The following LINGO2 variants were observed in gnomAD, a reference collection of about 807,000 sequenced individuals.
The protein encoded by LINGO2 is leucine-rich repeat and immunoglobulin-like domain-containing nogo receptor-interacting protein 2.
In LINGO2, 14 loss-of-function variants were observed where a neutral mutation model predicts 30.6. The observed-to-expected ratio is 0.46, with a 90% CI of 0.30 to 0.72. The LOEUF (loss-of-function observed/expected upper bound fraction) is 0.72. Among genes scored for constraint, LINGO2 ranks in the 30% least tolerant of loss-of-function variants. The pLI, the probability that LINGO2 is intolerant of heterozygous loss-of-function variation, is 0.07. For synonymous variants in LINGO2, 317 were observed against 288.5 expected, an observed-to-expected ratio of 1.10 and a Z score of -1.00; for missense variants, 729 against 751.7, an observed-to-expected ratio of 0.97 and a Z score of 0.35.
At chr9:28,193,535 T>C (rs893989028) in intron 4 of LINGO2, among the ~76,000 whole-genome samples, 3 of 151,962 alleles carry the variant, frequency 2.0e-5, no homozygotes, top group African/African-American at 7.3e-5. Context: ...TCTCAGAAAA[T>C]AGAAGATTAA....
the LINGO2 span, among the ~76,000 whole-genome samples, chr9:28,709,556 T>C: frequency 6.6e-6 from 1 of 152,024 alleles, no homozygotes; most frequent in Non-Finnish European, 1.5e-5. Flanking sequence ...TCAAATGCAA[T>C]AACACATTGA....
intron 1 of LINGO2, among the ~76,000 whole-genome samples, chr9:28,638,760 C>A (rs1398165130): frequency 2.0e-5 from 3 of 151,974 alleles, no homozygotes; most frequent in Non-Finnish European, 4.4e-5. Flanking sequence ...TTGCTCTTTT[C>A]AAAAAACCAG....
chr9:27,941,107 A>T, the LINGO2 span: 1 of 152,082 alleles, frequency 6.6e-6, no homozygotes, highest in Non-Finnish European at 1.5e-5. Context: ...TTTTCAAGAA[A>T]TTCTCTCTCT....
intron 2 of LINGO2, among the ~76,000 whole-genome samples, chr9:28,375,265 G>T (rs975112514): frequency 6.6e-6 from 1 of 152,132 alleles, no homozygotes; most frequent in South Asian, 2.1e-4. Context: ...ATAGCAACAG[G>T]GGTAGATGCT....
the LINGO2 span, among the ~76,000 whole-genome samples, chr9:28,781,089 C>G: frequency 6.6e-6 from 1 of 151,978 alleles, no homozygotes; most frequent in Non-Finnish European, 1.5e-5. Flanking sequence ...GTATTTCAGT[C>G]CTATCATTTT....
At chr9:28,564,198 C>T (rs1014537723) in intron 1 of LINGO2, among the ~76,000 whole-genome samples, 3 of 152,028 alleles carry the variant, frequency 2.0e-5, no homozygotes, top group Admixed American at 2.0e-4. Flanking sequence ...TCATATGGAA[C>T]AATAGTCTTT....
chr9:28,214,737 T>C (rs1820706657), intron 4 of LINGO2, among the ~76,000 whole-genome samples: 1 of 151,642 alleles, frequency 6.6e-6, no homozygotes, highest in Non-Finnish European at 1.5e-5. Flanking sequence ...CAAATGTAAG[T>C]GTAAATTCAT....
At chr9:28,827,136 G>T in the LINGO2 span, among the ~76,000 whole-genome samples, 5 of 152,126 alleles carry the variant, frequency 3.3e-5, no homozygotes, top group African/African-American at 1.2e-4. Context: ...TAATAATGCT[G>T]AAAGATATAA....
chr9:28,898,306 A>G, the LINGO2 span, among the ~76,000 whole-genome samples: 1 of 152,180 alleles, frequency 6.6e-6, no homozygotes, highest in Non-Finnish European at 1.5e-5. Flanking sequence ...AATAATTGGG[A>G]ATATAACGCA....
At position 28,127,065 on chromosome 9, in the gene LINGO2, TA is replaced by T. The variant is rs529656127; in HGVS notation, c.-86-114661del. 3.7e-3 allele frequency among the ~76,000 whole-genome samples: 558 copies of T among 152,260 alleles called. 8 individuals carry two copies. Among genetic ancestry groups the T allele is most frequent in the African/African-American group, 0.013 (535 of 41,562 alleles). On this transcript the variant is annotated intron_variant, in intron 4 of 5. Coordinates refer to ENST00000379992, the Ensembl canonical transcript of LINGO2. ...AAAATTGAGATTCACAGAAGTCCCT[TA>T]GGTATTAGGTAGATGAAATTTCGCT...
chr9:28,651,802 A>C (rs533245371), intron 1 of LINGO2, among the ~76,000 whole-genome samples: 1 of 152,142 alleles, frequency 6.6e-6, no homozygotes, highest in Non-Finnish European at 1.5e-5. Flanking sequence ...ATATTTATGA[A>C]GTTATCCATT....
At chr9:29,027,865 A>G in the LINGO2 span, among the ~76,000 whole-genome samples, 22 of 152,204 alleles carry the variant, frequency 1.4e-4, no homozygotes, top group Non-Finnish European at 2.9e-4. Context: ...AAATCATGGT[A>G]ATTATTGGCA....
At chr9:27,981,551 G>GAAAAA (rs1279785343) in intron 5 of LINGO2, among the ~76,000 whole-genome samples, 3 of 87,142 alleles carry the variant, frequency 3.4e-5, no homozygotes, top group South Asian at 4.5e-4. Context: ...AAAAAAAAAA[G>GAAAAA]AAAAAAAAGA....
At chr9:28,149,217 G>C (rs535161714) in intron 4 of LINGO2, 1 of 1,087,786 alleles carries the variant, frequency 9.2e-7, no homozygotes, top group Non-Finnish European at 1.3e-6. Flanking sequence ...TAGGGCAGGC[G>C]TGGTGGCCCA....
At chr9:28,196,893 C>T (rs1587198191) in intron 4 of LINGO2, among the ~76,000 whole-genome samples, 1 of 151,808 alleles carries the variant, frequency 6.6e-6, no homozygotes, top group Admixed American at 6.6e-5. Flanking sequence ...TTCCAGAGGC[C>T]AGGATGGGAA....
intron 4 of LINGO2, among the ~76,000 whole-genome samples, chr9:28,263,610 A>T (rs968896833): frequency 3.3e-5 from 5 of 151,976 alleles, no homozygotes; most frequent in African/African-American, 1.2e-4. Flanking sequence ...ATTTCTCTCA[A>T]AAGTATTTAC....
At chr9:28,546,470 G>T (rs1443666232) in intron 1 of LINGO2, among the ~76,000 whole-genome samples, 3 of 152,060 alleles carry the variant, frequency 2.0e-5, no homozygotes, top group Non-Finnish European at 4.4e-5. Flanking sequence ...TGTTTGTTCA[G>T]ATTCTTCTTA....
chr9:29,101,973 G>A, the LINGO2 span, among the ~76,000 whole-genome samples: 1 of 152,046 alleles, frequency 6.6e-6, no homozygotes, highest in Middle Eastern at 3.2e-3. Context: ...ATATTTTTTG[G>A]TTAAACCAGC....
intron 1 of LINGO2, among the ~76,000 whole-genome samples, chr9:28,550,973 G>A (rs775459340): frequency 1.3e-5 from 2 of 151,718 alleles, no homozygotes; most frequent in African/African-American, 4.8e-5. Flanking sequence ...AGAAGCAGAA[G>A]GAGATCCAGC....
Sources: gnomAD v4.1 joint callset for allele counts (sites outside exome capture counted in the v4.1 genomes callset) on GRCh38, gnomAD v4.1.1 for gene constraint, MANE v1.5 for transcripts, NCBI Gene and HGNC (gene_info 2026-07-23, HGNC 2026-07-21) for gene names.